MLLT3: variants seen among roughly 807,000 people sequenced by gnomAD.
MLLT3 encodes protein AF-9.
Under a neutral mutation model 53.2 loss-of-function variants are expected in MLLT3, and 4 were observed. That is an observed-to-expected ratio of 0.08 (90% CI 0.04 to 0.17). MLLT3 has a LOEUF of 0.17. Among genes scored for constraint, MLLT3 ranks in the 10% least tolerant of loss-of-function variants. The pLI, the probability that MLLT3 is intolerant of heterozygous loss-of-function variation, is 1.00. For synonymous variants in MLLT3, 283 were observed against 230.6 expected, an observed-to-expected ratio of 1.23 and a Z score of -2.06; for missense variants, 569 against 684.0, an observed-to-expected ratio of 0.83 and a Z score of 1.87.
chr9:20,513,753 G>A (rs1396379901), intron 2 of MLLT3, among the ~76,000 whole-genome samples: 2 of 152,188 alleles, frequency 1.3e-5, no homozygotes, highest in African/African-American at 4.8e-5. Flanking sequence ...GAACCGGGAG[G>A]AGGCAGGGAG....
chr9:20,405,100 A>G (rs1193298706), intron 5 of MLLT3, among the ~76,000 whole-genome samples: 3 of 152,226 alleles, frequency 2.0e-5, no homozygotes, highest in African/African-American at 7.2e-5. Context: ...CCTTGGCCCT[A>G]GAAATGAGAT....
chr9:20,511,319 T>C (rs1162248071), intron 2 of MLLT3, among the ~76,000 whole-genome samples: 4 of 152,032 alleles, frequency 2.6e-5, no homozygotes, highest in African/African-American at 9.7e-5. Flanking sequence ...TCAGACCCAG[T>C]ATTGGAAAGA....
In MLLT3 at chr9:20,621,016, C is replaced by G. The variant is rs1029910551; in HGVS notation, c.13-182G>C. 1 of 762,702 alleles carries G rather than the reference C, an allele frequency of 1.3e-6. No individual in the cohort carries two copies. The highest frequency in any genetic ancestry group is 1.7e-5 in the African/African-American group (1 of 58,054). The allele number at this position is 762,702 out of a possible 1,614,324, so 47.2% of individuals were successfully genotyped here. On this transcript the variant is annotated intron_variant, in intron 1 of 10. Coordinates refer to ENST00000380338, the MANE Select transcript of MLLT3 (RefSeq NM_004529.4). The surrounding 1 kb of genome is among the most constrained non-coding windows in gnomAD (Gnocchi z 7.0). ...CACTCCACACCCCCAAATATACCCGCCCGCCCGGCCCGGCTTGGCCCCAGG... is the reference window on the plus strand; with the variant it reads ...CACTCCACACCCCCAAATATACCCGGCCGCCCGGCCCGGCTTGGCCCCAGG...
rs1430826437 is a variant in MLLT3 at position 20,522,011 on chromosome 9, T to G, written c.194-65225A>C. ...AATTAAGTTTTGACTGTCACAGTTT[T>G]TTTTTTTTTTAACACTCTGAAATAT... On this transcript the variant is annotated intron_variant, in intron 2 of 10. Coordinates refer to ENST00000380338, the MANE Select transcript of MLLT3 (RefSeq NM_004529.4). 4.6e-5 allele frequency among the ~76,000 whole-genome samples: 7 copies of G among 151,790 alleles called. No individual in the cohort carries two copies. In the East Asian group the frequency reaches 9.6e-4, roughly 21 times the overall value.
chr9:20,544,223 G>A (rs965853349), intron 2 of MLLT3, among the ~76,000 whole-genome samples: 6 of 152,136 alleles, frequency 3.9e-5, no homozygotes, highest in Non-Finnish European at 8.8e-5. Context: ...AAAACATAGG[G>A]GAAAACCTTC....
At chr9:20,594,183 C>T (rs901822321) in intron 2 of MLLT3, among the ~76,000 whole-genome samples, 6 of 152,030 alleles carry the variant, frequency 3.9e-5, no homozygotes, top group South Asian at 4.1e-4. Flanking sequence ...TCAAATGATC[C>T]GCCTACCTCG....
chr9:20,583,095 T>C (rs1819843732), intron 2 of MLLT3, among the ~76,000 whole-genome samples: 1 of 152,060 alleles, frequency 6.6e-6, no homozygotes, highest in East Asian at 1.9e-4. Context: ...CTAGATACAA[T>C]GGGAGTACAG....
intron 2 of MLLT3, among the ~76,000 whole-genome samples, chr9:20,500,574 CAGAA>C (rs1825197733): frequency 6.6e-6 from 1 of 152,112 alleles, no homozygotes; most frequent in Admixed American, 6.5e-5. Context: ...CAATTTGCCC[CAGAA>C]TATATCCTAG....
At chr9:20,355,094 C>T (rs1209543038) in intron 8 of MLLT3, among the ~76,000 whole-genome samples, 3 of 80,916 alleles carry the variant, frequency 3.7e-5, no homozygotes, top group East Asian at 3.9e-4. Context: ...AAAAGTAGAA[C>T]TAAAAAAAAA....
At chr9:20,423,621 T>C (rs1823070178) in intron 4 of MLLT3, among the ~76,000 whole-genome samples, 1 of 150,618 alleles carries the variant, frequency 6.6e-6, no homozygotes, top group South Asian at 2.1e-4. Context: ...GAGACCAGCC[T>C]GGGCAACACA....
At chr9:20,451,432 A>G (rs1823836465) in intron 3 of MLLT3, among the ~76,000 whole-genome samples, 1 of 152,226 alleles carries the variant, frequency 6.6e-6, no homozygotes, top group Admixed American at 6.5e-5. Flanking sequence ...ATAGTCTACA[A>G]CAGTCTAAAA....
intron 2 of MLLT3, among the ~76,000 whole-genome samples, chr9:20,461,901 C>G (rs1482062973): frequency 2.0e-5 from 3 of 152,148 alleles, no homozygotes; most frequent in Admixed American, 6.5e-5. Flanking sequence ...CAAACTCTCT[C>G]TATATATAGA....
intron 2 of MLLT3, among the ~76,000 whole-genome samples, chr9:20,564,045 G>A (rs1819286733): frequency 6.6e-6 from 1 of 152,260 alleles, no homozygotes; most frequent in South Asian, 2.1e-4. Flanking sequence ...TGAAAAATGA[G>A]ACACTGACTA....
chr9:20,387,006 G>T lies in MLLT3; in HGVS notation c.1126-21262C>A, dbSNP rs549770788. Among the ~76,000 whole-genome samples the T allele has an allele frequency of 1.3e-4, 20 of 152,256 alleles. No individual in the cohort carries two copies. The East Asian group carries it at 3.7e-3, about 28-fold the overall frequency. On this transcript the variant is annotated intron_variant, in intron 5 of 10. Coordinates refer to ENST00000380338, the MANE Select transcript of MLLT3 (RefSeq NM_004529.4). ...TTGTGTGTAAGTTATCTAAATGTTT[G>T]TATTAGCCACTTTTCCCTGCAGTCA...
intron 2 of MLLT3, among the ~76,000 whole-genome samples, chr9:20,572,936 T>C (rs1401334478): frequency 1.3e-5 from 2 of 152,214 alleles, no homozygotes; most frequent in Non-Finnish European, 2.9e-5. Context: ...CTCAAAGATG[T>C]GTTTTCTCCA....
intron 2 of MLLT3, among the ~76,000 whole-genome samples, chr9:20,549,409 T>C (rs905796479): frequency 1.3e-5 from 2 of 152,086 alleles, no homozygotes; most frequent in Non-Finnish European, 2.9e-5. Flanking sequence ...ACTCAAATAG[T>C]TCCTACTAAT....
intron 2 of MLLT3, among the ~76,000 whole-genome samples, chr9:20,609,339 T>C (rs1252683329): frequency 1.3e-5 from 2 of 152,096 alleles, no homozygotes; most frequent in African/African-American, 4.8e-5. Context: ...TATTTATTCT[T>C]ATATGTATGT....
chr9:20,418,216 C>A (rs545558445), intron 4 of MLLT3: 2 of 152,226 alleles, frequency 1.3e-5, no homozygotes, highest in East Asian at 3.9e-4. Flanking sequence ...TAGGAAAAAC[C>A]GTGACAGTCA....
chr9:20,571,126 T>C (rs1490479570), intron 2 of MLLT3, among the ~76,000 whole-genome samples: 1 of 152,232 alleles, frequency 6.6e-6, no homozygotes, highest in Admixed American at 6.5e-5. Flanking sequence ...CTCACACATA[T>C]ACATATCATT....
Sources: allele counts gnomAD v4.1 joint callset (sites outside exome capture counted in the v4.1 genomes callset), GRCh38; gene constraint gnomAD v4.1.1; non-coding constraint Gnocchi (gnomAD v3.1); transcripts MANE v1.5; gene names NCBI Gene and HGNC (gene_info 2026-07-23, HGNC 2026-07-21).